FAM120B: variants seen among roughly 807,000 people sequenced by gnomAD.
The protein encoded by FAM120B is family with sequence similarity 120 member B.
A neutral mutation model predicts 96.3 loss-of-function variants in FAM120B; 83 were observed. That is an observed-to-expected ratio of 0.86 (90% CI 0.72 to 1.03). FAM120B has a LOEUF of 1.03. FAM120B is among the 50% of genes least tolerant of loss of function. FAM120B has a pLI of 0.00. For synonymous variants in FAM120B, 407 were observed against 402.7 expected, an observed-to-expected ratio of 1.01 and a Z score of -0.13; for missense variants, 1,027 against 1,121.2, an observed-to-expected ratio of 0.92 and a Z score of 1.20.
rs1006206812 is a variant in FAM120B at position 170,319,063 on chromosome 6, C to G, written c.1673C>G (p.Thr558Arg). The G allele has an allele frequency of 6.3e-7, 1 of 1,599,448 alleles. No homozygotes were observed. Among genetic ancestry groups the G allele is most frequent in the South Asian group, 1.1e-5 (1 of 89,086 alleles). Reference sequence around the variant, plus strand: ...CCTGAAATTAAACAAGAAGACCCCACAAATGTGGGGCCTGAAGTAAAGCAA... The same window carrying G: ...CCTGAAATTAAACAAGAAGACCCCAGAAATGTGGGGCCTGAAGTAAAGCAA... Reference protein sequence around the residue: ...TNPEIKQEDPTNVGPEVKQQV... With the variant: ...TNPEIKQEDPRNVGPEVKQQV... The change falls in exon 2 of 11, where the codon ACA (threonine) becomes AGA (arginine). Residue 558 changes from threonine (T) to arginine (R), a missense_variant. Transcript: ENST00000476287.
intron 4 of FAM120B, among the ~76,000 whole-genome samples, chr6:170,343,115 C>G (rs939009566): frequency 2.6e-5 from 4 of 152,180 alleles, no homozygotes; most frequent in African/African-American, 7.2e-5. Context: ...GAGTGTACCA[C>G]TAGAAGAGAA....
intron 9 of FAM120B, among the ~76,000 whole-genome samples, chr6:170,398,177 A>G (rs1426907273): frequency 1.3e-5 from 2 of 152,264 alleles, no homozygotes; most frequent in African/African-American, 4.8e-5. Context: ...GCCACAGGCA[A>G]CGCACTGAAA....
intron 4 of FAM120B, among the ~76,000 whole-genome samples, chr6:170,343,168 G>T (rs977215361): frequency 2.0e-5 from 3 of 152,202 alleles, no homozygotes; most frequent in Admixed American, 2.0e-4. Context: ...CCCTCCCCTG[G>T]ATAAGATGAT....
In FAM120B at chr6:170,323,276, C is replaced by T; in HGVS notation, c.1915+17C>T. 1 of 1,604,572 alleles carries T rather than the reference C, an allele frequency of 6.2e-7. No homozygotes were observed. The highest frequency in any genetic ancestry group is 2.2e-5 in the East Asian group (1 of 44,696). On this transcript the variant is annotated intron_variant, in intron 3 of 10. Transcript: ENST00000476287. ...ACTGTCAAGGTGAGAATTGGTTGGTCCCTCTTAGTAAAGGTTCTATTTGGA... is the reference window on the plus strand; with the variant it reads ...ACTGTCAAGGTGAGAATTGGTTGGTTCCTCTTAGTAAAGGTTCTATTTGGA...
intron 4 of FAM120B, among the ~76,000 whole-genome samples, chr6:170,333,977 G>C (rs1228318346): frequency 3.3e-5 from 5 of 152,138 alleles, no homozygotes; most frequent in African/African-American, 1.2e-4. Context: ...CACACTGCCT[G>C]CTCTCACTCC....
chr6:170,312,711 G>A (rs1033763524), intron 1 of FAM120B, among the ~76,000 whole-genome samples: 8 of 138,402 alleles, frequency 5.8e-5, no homozygotes, highest in African/African-American at 1.1e-4. Flanking sequence ...TTGAGGTGCC[G>A]ATGTTAAAAT....
rs1033975843 is a variant in FAM120B at position 170,295,978 on chromosome 6, GC to G, written c.48+530del. On this transcript the variant is annotated intron_variant, in intron 1 of 10. Transcript: ENST00000537664. This position sits in a 1 kb window ranked among gnomAD's most constrained non-coding sequence, Gnocchi z 7.8. The stretch of plus-strand genomic sequence containing the variant: ...GATGACGGCTCGGCAGCGGGCCCCC[GC>G]CCCCTCCTCTGCGCCGCGGCTCCTT... Among the ~76,000 whole-genome samples, 9 of 151,860 alleles carry G rather than the reference GC, an allele frequency of 5.9e-5. No homozygotes were observed. The highest frequency in any genetic ancestry group is 1.2e-4 in the Non-Finnish European group (8 of 67,900).
upstream of FAM120B, chr6:170,295,298 A>C: frequency 1.5e-6 from 1 of 661,030 alleles, no homozygotes; most frequent in Non-Finnish European, 2.8e-6. The surrounding 1 kb of genome is among the most constrained non-coding windows in gnomAD (Gnocchi z 7.8). Flanking sequence ...CGCCCACCCA[A>C]GTGGGTGCAC....
intron 6 of FAM120B, among the ~76,000 whole-genome samples, chr6:170,373,383 C>T (rs78421941): frequency 0.019 from 2,941 of 152,308 alleles, 100 homozygotes; most frequent in African/African-American, 0.067. Flanking sequence ...CCCTCTGTCA[C>T]GCTGACTTGG....
chr6:170,307,961 A>G (rs749650707), intron 1 of FAM120B, among the ~76,000 whole-genome samples: 1 of 152,196 alleles, frequency 6.6e-6, no homozygotes, highest in Non-Finnish European at 1.5e-5. Flanking sequence ...CCTAACCACC[A>G]TCTCCTGAGT....
intron 1 of FAM120B, among the ~76,000 whole-genome samples, chr6:170,311,083 A>C (rs2114999687): frequency 6.6e-6 from 1 of 152,240 alleles, no homozygotes; most frequent in East Asian, 1.9e-4. Flanking sequence ...GGATTCTCCC[A>C]GAATAGGGAG....
At chr6:170,328,058 ATTAACC>A (rs1237310559) in intron 3 of FAM120B, among the ~76,000 whole-genome samples, 7 of 150,016 alleles carry the variant, frequency 4.7e-5, no homozygotes, top group African/African-American at 1.7e-4. Flanking sequence ...TCAACAATAA[ATTAACC>A]TTAACTTACT....
intron 2 of FAM120B, among the ~76,000 whole-genome samples, chr6:170,322,002 T>C (rs1235620200): frequency 6.6e-6 from 1 of 152,234 alleles, no homozygotes; most frequent in Admixed American, 6.5e-5. Flanking sequence ...TTTTGAATAG[T>C]AATCTAGATG....
rs563240180 is a variant in FAM120B at position 170,363,182 on chromosome 6, C to A, written c.2283+4864C>A. Among the ~76,000 whole-genome samples, 5 of 152,158 alleles carry A rather than the reference C, an allele frequency of 3.3e-5. No homozygotes were observed. The highest frequency in any genetic ancestry group is 1.2e-4 in the African/African-American group (5 of 41,428). ...TCTGACTGTTAGGGAATTCTGGCTCCGTCTCTTACACACTGAGAACTCCAT... is the reference window on the plus strand; with the variant it reads ...TCTGACTGTTAGGGAATTCTGGCTCAGTCTCTTACACACTGAGAACTCCAT... On this transcript the variant is annotated intron_variant, in intron 6 of 10. Transcript: ENST00000476287. The surrounding 1 kb of genome is among the most constrained non-coding windows in gnomAD (Gnocchi z 4.5).
rs755513140 is a variant in FAM120B at position 170,318,000 on chromosome 6, G to T, written c.610G>T (p.Val204Phe). 3 of 1,613,768 alleles carry T rather than the reference G, an allele frequency of 1.9e-6. No individual in the cohort carries two copies. The highest frequency in any genetic ancestry group is 1.7e-4 in the Middle Eastern group (1 of 6,060). The part of the protein sequence containing the change: ...SELCLESLDT[V>F]MLCREKLCES... ...GCTCTGCCTAGAGAGCCTGGACACC[G>T]TCATGCTCTGCAGAGAGAAGCTCTG... Residue 204 changes from valine (V) to phenylalanine (F), a missense_variant, in exon 2 of 11, where the codon GTC (valine) becomes TTC (phenylalanine). Val to Phe is a conservative substitution (Grantham distance 50, BLOSUM62 -1). This residue lies in a region of FAM120B where 880 missense variants were observed against 980.9 expected (regional missense o/e 0.90). Transcript: ENST00000476287.
rs186644552 is a variant in FAM120B at position 170,295,617 on chromosome 6, C to A, written c.48+164C>A. 0.01 allele frequency among the ~76,000 whole-genome samples: 1,539 copies of A among 152,330 alleles called. 38 individuals are homozygous for A. The highest frequency in any genetic ancestry group is 0.036 in the African/African-American group (1,482 of 41,582). On this transcript the variant is annotated intron_variant, in intron 1 of 10. Coordinates refer to the FAM120B transcript ENST00000537664. The surrounding 1 kb of genome is among the most constrained non-coding windows in gnomAD (Gnocchi z 7.8). The stretch of plus-strand genomic sequence containing the variant: ...GGCGAAGGAATCAGCCCCGCAGCGG[C>A]TCCTAAGCCTCCCCGCTGGCCGCGG...
chr6:170,300,549 T>C (rs1784118951), intron 1 of FAM120B, among the ~76,000 whole-genome samples: 1 of 152,188 alleles, frequency 6.6e-6, no homozygotes, highest in Non-Finnish European at 1.5e-5. Flanking sequence ...CCCCAAAGTC[T>C]TAACTCATTC....
At chr6:170,302,718 T>C (rs1314167259), upstream of FAM120B, among the ~76,000 whole-genome samples, 2 of 152,216 alleles carry the variant, frequency 1.3e-5, no homozygotes, top group Non-Finnish European at 2.9e-5. Flanking sequence ...GTTTCTCTTT[T>C]ATGTAAACCT....
At chr6:170,404,388 C>G in intron 9 of FAM120B, 162 bp from the exon 10 acceptor site, 1 of 549,606 alleles carries the variant, frequency 1.8e-6, no homozygotes. Flanking sequence ...AATTATGGAA[C>G]ACAGTTTTAA....
Sources: gnomAD v4.1 joint callset for allele counts (sites outside exome capture counted in the v4.1 genomes callset) on GRCh38, gnomAD v4.1.1 for gene constraint, gnomAD v4.1.1 regional missense constraint, Gnocchi (gnomAD v3.1) non-coding constraint, MANE v1.5 for transcripts, NCBI Gene and HGNC (gene_info 2026-07-23, HGNC 2026-07-21) for gene names.